LRRC3B: variants seen among roughly 807,000 people sequenced by gnomAD.
LRRC3B encodes the protein leucine rich repeat containing 3B.
Under a neutral mutation model 12.8 loss-of-function variants are expected in LRRC3B, and 2 were observed. That is an observed-to-expected ratio of 0.16 (90% confidence interval 0.06 to 0.49). The LOEUF (loss-of-function observed/expected upper bound fraction) is 0.49. Ranked by LOEUF, LRRC3B falls within the 20% of genes least tolerant of loss-of-function variation. The pLI is 0.96. For synonymous variants in LRRC3B, 132 were observed against 122.0 expected (o/e 1.08, Z -0.54); for missense variants, 189 against 319.4 (o/e 0.59, Z 3.11).
intron 1 of LRRC3B, among the ~76,000 whole-genome samples, chr3:26,688,655 CTCA>C (rs1402776276): frequency 6.6e-6 from 1 of 152,112 alleles, no homozygotes; most frequent in Non-Finnish European, 1.5e-5. Flanking sequence ...CTCATGAGAA[CTCA>C]TCATCATGAG....
chr3:26,642,742 G>A (rs1003955404), intron 1 of LRRC3B, among the ~76,000 whole-genome samples: 9 of 152,120 alleles, frequency 5.9e-5, no homozygotes, highest in Admixed American at 5.2e-4. Context: ...GAGTTGCCCG[G>A]GCGTGGTGCC....
intron 1 of LRRC3B, among the ~76,000 whole-genome samples, chr3:26,655,393 T>A (rs993899949): frequency 1.3e-5 from 2 of 152,178 alleles, no homozygotes; most frequent in Non-Finnish European, 2.9e-5. Context: ...CACCATAATG[T>A]CTATATCTTG....
chr3:26,697,254 G>C (rs1466673947), intron 1 of LRRC3B, among the ~76,000 whole-genome samples: 1 of 152,124 alleles, frequency 6.6e-6, no homozygotes, highest in Admixed American at 6.5e-5. Context: ...ATCAATTTTG[G>C]GGGTATGGCC....
intron 1 of LRRC3B, among the ~76,000 whole-genome samples, chr3:26,641,847 A>G (rs191024652): frequency 3.3e-3 from 497 of 152,276 alleles, no homozygotes; most frequent in Non-Finnish European, 5.7e-3. Context: ...TGGTATCAGA[A>G]CCCTTTTAGA....
At chr3:26,707,199 GA>G (rs34703302) in intron 1 of LRRC3B, among the ~76,000 whole-genome samples, 29,525 of 129,794 alleles carry the variant, frequency 0.23, 3,160 homozygotes, top group East Asian at 0.32. Context: ...TAAAAATACA[GA>G]AAAAAAAAAA....
At chr3:26,677,529 A>T (rs1699885163) in intron 1 of LRRC3B, among the ~76,000 whole-genome samples, 1 of 152,216 alleles carries the variant, frequency 6.6e-6, no homozygotes, top group South Asian at 2.1e-4. Context: ...GGGATGGCCT[A>T]TGTGAGTCAA....
chr3:26,672,505 T>TGAAACA (rs1034489217), intron 1 of LRRC3B, among the ~76,000 whole-genome samples: 1 of 152,228 alleles, frequency 6.6e-6, no homozygotes, highest in Non-Finnish European at 1.5e-5. Context: ...ACTTTCCTTT[T>TGAAACA]GAAACAGAAG....
intron 1 of LRRC3B, among the ~76,000 whole-genome samples, chr3:26,686,417 G>T (rs542243359): frequency 7.2e-5 from 11 of 152,198 alleles, no homozygotes; most frequent in Admixed American, 5.9e-4. Flanking sequence ...GCTCCTTATG[G>T]TAACTTCAAC....
intron 1 of LRRC3B, among the ~76,000 whole-genome samples, chr3:26,626,152 G>A (rs915598578): frequency 4.6e-5 from 7 of 152,260 alleles, no homozygotes; most frequent in African/African-American, 9.6e-5. Context: ...GTTACATATC[G>A]CCTGTCTCAA....
Position 26,694,568 on chromosome 3 carries a change from C to T in LRRC3B, c.-160-14945C>T, listed in dbSNP as rs558379458. ...GAGACAGTCATTATCAGAACCACAT[C>T]GGAAATCAATGAAATAAGCATTATT... On this transcript the variant is annotated intron_variant, in intron 1 of 1. Coordinates refer to ENST00000396641, the Ensembl canonical transcript of LRRC3B. 30 of 152,260 alleles carry T rather than the reference C, an allele frequency of 2.0e-4. No homozygotes were observed. The South Asian group carries it at 3.7e-3, about 19-fold the overall frequency. The allele number at this position is 152,260 out of a possible 1,614,324, so 9.4% of individuals were successfully genotyped here. A position where few individuals can be genotyped will look rare whatever the true frequency, so the allele number is the denominator to read the frequency against.
intron 1 of LRRC3B, among the ~76,000 whole-genome samples, chr3:26,678,079 A>T (rs1699898313): frequency 6.6e-6 from 1 of 152,132 alleles, no homozygotes; most frequent in African/African-American, 2.4e-5. Flanking sequence ...GGCCTCCCAA[A>T]GTGCTCGGTT....
chr3:26,709,414 C>T (rs906739473), intron 1 of LRRC3B, 99 bp from the exon 2 acceptor site: 4 of 494,436 alleles, frequency 8.1e-6, no homozygotes, highest in African/African-American at 3.8e-5. Flanking sequence ...TAACTAACCC[C>T]CCTGCTCAAG....
chr3:26,690,503 T>G (rs1028455268), intron 1 of LRRC3B, among the ~76,000 whole-genome samples: 2 of 152,124 alleles, frequency 1.3e-5, no homozygotes, highest in Non-Finnish European at 2.9e-5. Flanking sequence ...TTAAATGGGT[T>G]TGGAAAGTTT....
chr3:26,675,643 T>A (rs1699842597), intron 1 of LRRC3B, among the ~76,000 whole-genome samples: 1 of 152,222 alleles, frequency 6.6e-6, no homozygotes, highest in South Asian at 2.1e-4. Context: ...GTTTTTCTTC[T>A]GGCATTGTTG....
chr3:26,623,146 G>C (rs367912361), exon 1 of LRRC3B: 3 of 152,170 alleles, frequency 2.0e-5, no homozygotes, highest in Admixed American at 2.0e-4. Flanking sequence ...CTGCAGCCCT[G>C]GCAGCGGGCA....
intron 1 of LRRC3B, among the ~76,000 whole-genome samples, chr3:26,678,062 C>A (rs1304358168): frequency 2.0e-5 from 3 of 152,086 alleles, no homozygotes; most frequent in Non-Finnish European, 2.9e-5. Context: ...AGTGACCAAC[C>A]TGCCTTGGCC....
At chr3:26,679,641 C>A (rs950072607) in intron 1 of LRRC3B, among the ~76,000 whole-genome samples, 13 of 152,284 alleles carry the variant, frequency 8.5e-5, no homozygotes, top group Admixed American at 8.5e-4. Context: ...TGCTTTTATT[C>A]TGCTTTGTTG....
intron 1 of LRRC3B, among the ~76,000 whole-genome samples, chr3:26,626,485 A>G (rs532466580): frequency 8.5e-5 from 13 of 152,188 alleles, no homozygotes; most frequent in Non-Finnish European, 1.5e-4. Flanking sequence ...TGCTGAGCTC[A>G]AGGCCATTTG....
At chr3:26,705,754 C>T (rs1277604137) in intron 1 of LRRC3B, among the ~76,000 whole-genome samples, 4 of 152,078 alleles carry the variant, frequency 2.6e-5, no homozygotes, top group Non-Finnish European at 4.4e-5. Flanking sequence ...GGATGATAAC[C>T]AATGTCAGAA....
Sources: gnomAD v4.1 joint callset for allele counts (sites outside exome capture counted in the v4.1 genomes callset) on GRCh38, gnomAD v4.1.1 for gene constraint, MANE v1.5 for transcripts, NCBI Gene and HGNC (gene_info 2026-07-23, HGNC 2026-07-21) for gene names.